Variants in TLL2 observed in about 807,000 individuals in gnomAD.
The protein encoded by TLL2 is tolloid-like protein 2.
Under a neutral mutation model 123.0 loss-of-function variants are expected in TLL2, and 106 were observed. The observed-to-expected ratio is 0.86, with a 90% CI of 0.74 to 1.01. The LOEUF (loss-of-function observed/expected upper bound fraction) is 1.01, where lower values mean the gene tolerates loss of function less well. Among genes scored for constraint, TLL2 ranks in the 50% least tolerant of loss-of-function variants. TLL2 has a pLI of 0.00. For synonymous variants in TLL2, 494 were observed against 516.8 expected (o/e 0.96, Z 0.60); for missense variants, 1,332 against 1,336.7 (o/e 1.00, Z 0.06).
At chr10:96,450,113 G>A (rs944445109) in intron 2 of TLL2, among the ~76,000 whole-genome samples, 4 of 147,992 alleles carry the variant, frequency 2.7e-5, no homozygotes, top group Non-Finnish European at 6.0e-5. Flanking sequence ...AATACAGAAC[G>A]GATGGATGAA....
intron 5 of TLL2, among the ~76,000 whole-genome samples, chr10:96,424,003 A>G (rs1846652105): frequency 1.3e-5 from 2 of 152,254 alleles, no homozygotes; most frequent in East Asian, 3.8e-4. Flanking sequence ...GTCATTTGCA[A>G]CAACAGGAAT....
At chr10:96,465,418 C>T (rs552113996) in intron 2 of TLL2, among the ~76,000 whole-genome samples, 3 of 152,340 alleles carry the variant, frequency 2.0e-5, no homozygotes, top group Non-Finnish European at 2.9e-5. Context: ...ATGCAAAACA[C>T]TGAGTGTGTC....
chr10:96,422,530 T>G lies in TLL2; in HGVS notation c.817+19A>C. The G allele has an allele frequency of 6.2e-7, 1 of 1,613,556 alleles. No homozygotes were observed. The stretch of plus-strand genomic sequence containing the variant: ...CCTTCTCGACCGGTGCCTTCCAGAC[T>G]CCACACAGGCCTCCTTACCTGGCTG... On this transcript the variant is annotated intron_variant, in intron 6 of 20. Coordinates refer to ENST00000357947, the MANE Select transcript of TLL2 (RefSeq NM_012465.4).
intron 19 of TLL2, chr10:96,373,384 G>C (rs529996774): frequency 2.1e-6 from 1 of 483,100 alleles, no homozygotes; most frequent in African/African-American, 2.0e-5. Flanking sequence ...CAGATGATCC[G>C]CCTGCCTCGG....
In TLL2 at chr10:96,397,169, T is replaced by C; in HGVS notation, c.1384+17A>G. 6.2e-7 allele frequency: 1 copy of C among 1,605,006 alleles called. No homozygotes were observed. Among genetic ancestry groups the C allele is most frequent in the South Asian group, 1.1e-5 (1 of 90,214 alleles). On this transcript the variant is annotated intron_variant, in intron 11 of 20. Coordinates refer to ENST00000357947, the MANE Select transcript of TLL2 (RefSeq NM_012465.4). Reference sequence around the variant, plus strand: ...TTATGAGGGGCCACCGAGCAGCTGCTTTCACCTCGCACAAACCTTCGTACG... The same window carrying C: ...TTATGAGGGGCCACCGAGCAGCTGCCTTCACCTCGCACAAACCTTCGTACG...
intron 2 of TLL2, among the ~76,000 whole-genome samples, chr10:96,468,686 G>T (rs1360582202): frequency 6.6e-6 from 1 of 152,140 alleles, no homozygotes; most frequent in African/African-American, 2.4e-5. Flanking sequence ...CAGGTTCATG[G>T]TTCATGAGGA....
At chr10:96,398,868 C>CT (rs3033618) in intron 10 of TLL2, among the ~76,000 whole-genome samples, 3,784 of 107,722 alleles carry the variant, frequency 0.035, 384 homozygotes, top group African/African-American at 0.12. Context: ...TGAAAATATT[C>CT]TTTTTTTTTT....
intron 19 of TLL2, among the ~76,000 whole-genome samples, chr10:96,371,726 C>T (rs1192577039): frequency 3.3e-5 from 5 of 152,224 alleles, no homozygotes; most frequent in Non-Finnish European, 7.4e-5. Flanking sequence ...GCCTGGGCCC[C>T]GTGAGACAGA....
At chr10:96,477,178 T>C (rs1306427576) in intron 2 of TLL2, among the ~76,000 whole-genome samples, 1 of 150,852 alleles carries the variant, frequency 6.6e-6, no homozygotes, top group African/African-American at 2.4e-5. Context: ...AGAAAAATGA[T>C]CAGGATAAAA....
At chr10:96,502,725 G>A (rs1405873802) in intron 1 of TLL2, among the ~76,000 whole-genome samples, 1 of 152,116 alleles carries the variant, frequency 6.6e-6, no homozygotes, top group African/African-American at 2.4e-5. Context: ...TAAGAAGGAA[G>A]GTAGCTTGAG....
At chr10:96,457,131 G>A (rs2134092271) in intron 2 of TLL2, among the ~76,000 whole-genome samples, 1 of 152,192 alleles carries the variant, frequency 6.6e-6, no homozygotes, top group East Asian at 1.9e-4. Flanking sequence ...CTGGCACATT[G>A]TAGGGACCCA....
intron 2 of TLL2, among the ~76,000 whole-genome samples, chr10:96,475,472 G>A (rs952054482): frequency 3.9e-5 from 6 of 152,230 alleles, no homozygotes; most frequent in African/African-American, 1.2e-4. Flanking sequence ...AGAAGACACA[G>A]CAACCCTGGA....
In TLL2 at chr10:96,475,559, G is replaced by C. The variant is rs186984740; in HGVS notation, c.286+4790C>G. ...ACATCTAGCAAATGAGGCTGACTGG[G>C]TCACCTCTAGGGCAACTGACATGGT... is the stretch of plus-strand genomic sequence containing the variant. On this transcript the variant is annotated intron_variant, in intron 2 of 20. Transcript: ENST00000357947. Among the ~76,000 whole-genome samples the C allele has an allele frequency of 3.3e-4, 51 of 152,278 alleles. 1 individual carries two copies. Among genetic ancestry groups the C allele is most frequent in the African/African-American group, 1.1e-3 (44 of 41,548 alleles).
At chr10:96,379,658 C>T (rs1846168786) in intron 16 of TLL2, among the ~76,000 whole-genome samples, 1 of 152,080 alleles carries the variant, frequency 6.6e-6, no homozygotes, top group Non-Finnish European at 1.5e-5. Flanking sequence ...CCTGCCTCTA[C>T]TAAAAATACA....
intron 15 of TLL2, 85 bp from the exon 16 acceptor site, chr10:96,384,852 C>G (rs1484565160): frequency 4.5e-6 from 6 of 1,344,872 alleles, no homozygotes; most frequent in East Asian, 5.2e-5. Context: ...GCTTCCTGAG[C>G]GCCTCACCCT....
intron 10 of TLL2, among the ~76,000 whole-genome samples, chr10:96,398,497 A>G (rs1846361283): frequency 6.6e-6 from 1 of 152,264 alleles, no homozygotes; most frequent in East Asian, 1.9e-4. Flanking sequence ...AAGGGGGATC[A>G]TCATAGACAA....
intron 12 of TLL2, 101 bp downstream of exon 12, chr10:96,395,774 G>T: frequency 1.4e-6 from 2 of 1,465,670 alleles, no homozygotes; most frequent in Non-Finnish European, 1.9e-6. Flanking sequence ...AGCCTCTTAG[G>T]TTCCTGTTTT....
At chr10:96,409,777 C>T (rs760402153) in intron 9 of TLL2, among the ~76,000 whole-genome samples, 5 of 152,176 alleles carry the variant, frequency 3.3e-5, no homozygotes, top group Non-Finnish European at 7.4e-5. Context: ...CCAGGAATTC[C>T]CTGTCCACAC....
intron 3 of TLL2, 79 bp downstream of exon 3, chr10:96,446,012 G>T (rs1846894506): frequency 7.1e-7 from 1 of 1,400,518 alleles, no homozygotes; most frequent in Admixed American, 1.7e-5. Flanking sequence ...CTTTAAAATG[G>T]TAAGTCTTAT....
Sources: allele counts gnomAD v4.1 joint callset (sites outside exome capture counted in the v4.1 genomes callset), GRCh38; gene constraint gnomAD v4.1.1; transcripts MANE v1.5; gene names NCBI Gene and HGNC (gene_info 2026-07-23, HGNC 2026-07-21).